Variants in GPM6A observed in about 807,000 individuals in gnomAD.
The protein encoded by GPM6A is neuronal membrane glycoprotein M6-a.
GPM6A carries 7 observed loss-of-function variants against 32.1 expected under a neutral mutation model. The ratio of observed to expected loss-of-function variants is 0.22; its 90% CI spans 0.12 to 0.41. The LOEUF (loss-of-function observed/expected upper bound fraction) is 0.41. Among genes scored for constraint, GPM6A ranks in the 10% least tolerant of loss-of-function variants. The pLI, the probability that GPM6A is intolerant of heterozygous loss-of-function variation, is 1.00. For synonymous variants in GPM6A, 130 were observed against 123.4 expected (o/e 1.05, Z -0.35); for missense variants, 235 against 347.2 (o/e 0.68, Z 2.57).
chr4:175,711,476 G>T, intron 1 of GPM6A, among the ~76,000 whole-genome samples: 1 of 79,082 alleles, frequency 1.3e-5, no homozygotes, highest in Non-Finnish European at 2.5e-5. Flanking sequence ...ATACATACAT[G>T]TATATATAAA....
intron 2 of GPM6A, among the ~76,000 whole-genome samples, chr4:175,675,927 AC>A (rs764339314): frequency 2.0e-5 from 3 of 151,898 alleles, no homozygotes; most frequent in Non-Finnish European, 2.9e-5. Flanking sequence ...CTGTGTCCCC[AC>A]CCAAATCTCA....
At chr4:175,705,464 C>G (rs1057206009) in intron 1 of GPM6A, among the ~76,000 whole-genome samples, 1 of 152,200 alleles carries the variant, frequency 6.6e-6, no homozygotes. Context: ...ACTATCCCCA[C>G]TCTTCCACAG....
At chr4:175,699,572 A>G (rs888093455) in intron 2 of GPM6A, among the ~76,000 whole-genome samples, 3 of 152,204 alleles carry the variant, frequency 2.0e-5, no homozygotes, top group Non-Finnish European at 4.4e-5. Context: ...CTACAGAGTT[A>G]TGGACTATAT....
chr4:175,734,043 A>G (rs1579440717), intron 1 of GPM6A, among the ~76,000 whole-genome samples: 1 of 152,026 alleles, frequency 6.6e-6, no homozygotes, highest in South Asian at 2.1e-4. Flanking sequence ...GACTTCCACG[A>G]TCAAAGCTTG....
chr4:175,921,906 T>C (rs1415344169), intron 1 of GPM6A, among the ~76,000 whole-genome samples: 1 of 152,180 alleles, frequency 6.6e-6, no homozygotes, highest in East Asian at 1.9e-4. Flanking sequence ...GCTGTCCTTC[T>C]TCAGTACTTC....
At chr4:175,935,834 C>T (rs1297903860) in intron 1 of GPM6A, among the ~76,000 whole-genome samples, 2 of 151,818 alleles carry the variant, frequency 1.3e-5, no homozygotes, top group Admixed American at 6.6e-5. Flanking sequence ...GTGTTCTAGA[C>T]TGCCAAAGAA....
intron 1 of GPM6A, among the ~76,000 whole-genome samples, chr4:175,731,363 A>G (rs575915642): frequency 3.3e-5 from 5 of 152,132 alleles, no homozygotes; most frequent in Admixed American, 2.6e-4. Context: ...ATTTTCACTT[A>G]CTGAACTTCT....
chr4:175,660,770 CA>C (rs949435398), intron 3 of GPM6A, among the ~76,000 whole-genome samples: 8 of 151,608 alleles, frequency 5.3e-5, no homozygotes, highest in Non-Finnish European at 8.8e-5. Context: ...AATGAAGAAG[CA>C]AAAAAAATCA....
At chr4:175,656,554 G>T (rs979243338) in intron 3 of GPM6A, among the ~76,000 whole-genome samples, 3 of 152,112 alleles carry the variant, frequency 2.0e-5, no homozygotes, top group Non-Finnish European at 2.9e-5. Flanking sequence ...ATCTGGTAGA[G>T]AAATTGAAAC....
chr4:175,878,894 T>C (rs1737176713), intron 1 of GPM6A, among the ~76,000 whole-genome samples: 1 of 152,208 alleles, frequency 6.6e-6, no homozygotes. Context: ...ACCATATCTT[T>C]GTGATTACAA....
At chr4:175,817,694 A>G (rs1735151152) in intron 1 of GPM6A, among the ~76,000 whole-genome samples, 1 of 152,228 alleles carries the variant, frequency 6.6e-6, no homozygotes, top group African/African-American at 2.4e-5. Context: ...TATTCTGAAC[A>G]GTTGAAAGAG....
chr4:175,982,831 G>T (rs1035695366), intron 1 of GPM6A, among the ~76,000 whole-genome samples: 12 of 152,086 alleles, frequency 7.9e-5, no homozygotes, highest in African/African-American at 2.9e-4. Flanking sequence ...AGAGAGAATT[G>T]ACAATTTAAT....
rs1304187019 is a variant in GPM6A, at chr4:175,750,631, G to C, written c.38-48864C>G. On this transcript the variant is annotated intron_variant, in intron 1 of 6. Transcript: ENST00000393658. ...TCTGTCGCCAAGGCTAGAGTGTGGT[G>C]GACCAATCTTGGCTCACTGCAACCT... Among the ~76,000 whole-genome samples the C allele has an allele frequency of 2.0e-5, 3 of 149,988 alleles. No individual in the cohort carries two copies. The Admixed American group carries it at 2.0e-4, about 10-fold the overall frequency.
intron 1 of GPM6A, among the ~76,000 whole-genome samples, chr4:175,732,247 G>A (rs531473013): frequency 1.6e-4 from 24 of 152,174 alleles, no homozygotes; most frequent in African/African-American, 3.6e-4. Flanking sequence ...TTACAGGTGT[G>A]AGCCATTGCA....
intron 1 of GPM6A, among the ~76,000 whole-genome samples, chr4:175,888,157 G>C (rs1737521278): frequency 6.6e-6 from 1 of 151,870 alleles, no homozygotes; most frequent in South Asian, 2.1e-4. Context: ...TACAAAGATA[G>C]CTTAAAATTA....
At chr4:175,844,836 TC>T (rs1736040747) in intron 1 of GPM6A, among the ~76,000 whole-genome samples, 5 of 152,152 alleles carry the variant, frequency 3.3e-5, no homozygotes, top group Admixed American at 3.3e-4. Context: ...TCTCTTGGGT[TC>T]CAGGTATTGA....
intron 6 of GPM6A, among the ~76,000 whole-genome samples, chr4:175,636,720 T>C (rs1254101769): frequency 6.6e-6 from 1 of 150,618 alleles, no homozygotes; most frequent in African/African-American, 2.4e-5. Flanking sequence ...GGATTGAACC[T>C]GGGAGGCAGA....
intron 1 of GPM6A, among the ~76,000 whole-genome samples, chr4:175,881,699 A>G (rs1422317206): frequency 1.3e-5 from 2 of 152,216 alleles, no homozygotes; most frequent in Admixed American, 1.3e-4. Flanking sequence ...TTTTAGGGAC[A>G]TGGATGAAGC....
In GPM6A at chr4:175,799,232, C is replaced by T. The variant is rs562680774; in HGVS notation, c.37+12959G>A. On this transcript the variant is annotated intron_variant, in intron 1 of 6. Coordinates refer to ENST00000393658, the MANE Select transcript of GPM6A (RefSeq NM_201591.3). ...TAGGGAGCTCCAGTCAGCTGCCTTT[C>T]CTAGAGTATCACAGGCATCAACCCT... Among the ~76,000 whole-genome samples, 290 of 152,298 alleles carry T rather than the reference C, an allele frequency of 1.9e-3. 1 individual carries two copies. Among genetic ancestry groups the T allele is most frequent in the Non-Finnish European group, 3.3e-3 (226 of 68,016 alleles).
Sources: allele counts gnomAD v4.1 joint callset (sites outside exome capture counted in the v4.1 genomes callset), GRCh38; gene constraint gnomAD v4.1.1; transcripts MANE v1.5; gene names NCBI Gene and HGNC (gene_info 2026-07-23, HGNC 2026-07-21).